Variants in PHKB observed in about 807,000 individuals in gnomAD.
PHKB encodes the protein phosphorylase b kinase regulatory subunit beta.
Under a neutral mutation model 152.1 loss-of-function variants are expected in PHKB, and 122 were observed. That is an observed-to-expected ratio of 0.80 (90% CI 0.69 to 0.93). The LOEUF is 0.93. PHKB is among the 40% of genes least tolerant of loss of function. The probability of loss-of-function intolerance (pLI) is 0.00; values close to 1 mark genes in which losing one functional copy is unlikely to be tolerated. For missense variants in PHKB, 1,304 were observed against 1,328.4 expected (o/e 0.98, Z 0.29); for synonymous variants, 436 against 464.9 (o/e 0.94, Z 0.80).
intron 17 of PHKB, 80 bp downstream of exon 17, chr16:47,648,696 C>A: frequency 2.3e-6 from 2 of 876,308 alleles, no homozygotes; most frequent in Admixed American, 1.7e-5. Flanking sequence ...TGCTATGCAT[C>A]CTTTTTCATT....
At chr16:47,564,518 G>A (rs1971532234) in intron 7 of PHKB, among the ~76,000 whole-genome samples, 1 of 151,664 alleles carries the variant, frequency 6.6e-6, no homozygotes, top group South Asian at 2.1e-4. Context: ...TTTTTAATGG[G>A]ATTTTTTCCT....
chr16:47,495,190 CTTTT>C (rs200655920), intron 1 of PHKB, among the ~76,000 whole-genome samples: 1 of 137,404 alleles, frequency 7.3e-6, no homozygotes, highest in African/African-American at 2.7e-5. Flanking sequence ...AACAGAACTC[CTTTT>C]TTTTTTTTTT....
chr16:47,600,325 C>G (rs978596531), intron 13 of PHKB, among the ~76,000 whole-genome samples: 1 of 152,066 alleles, frequency 6.6e-6, no homozygotes. Flanking sequence ...TTTAGAAAAT[C>G]AATATTTTCT....
Position 47,461,399 on chromosome 16 carries a change from G to A in PHKB, c.49G>A (p.Glu17Lys). Reference sequence around the variant, plus strand: ...GGCAGAAGTGAGCTGGAAGGTCTTGGAGCGAAGAGCTCGGACCAAGCGCTC... The same window carrying A: ...GGCAGAAGTGAGCTGGAAGGTCTTGAAGCGAAGAGCTCGGACCAAGCGCTC... Reference protein sequence around the residue: ...LTAEVSWKVLERRARTKRSGS... With the variant: ...LTAEVSWKVLKRRARTKRSGS... The change falls in exon 1 of 31, where the codon GAG becomes AAG. Residue 17 changes from glutamate to lysine, a missense_variant. Glu to Lys is a moderately conservative substitution (Grantham distance 56). Transcript: ENST00000323584. The A allele has an allele frequency of 6.2e-7, 1 of 1,613,254 alleles. No homozygotes were observed. Among genetic ancestry groups the A allele is most frequent in the Non-Finnish European group, 8.5e-7 (1 of 1,179,830 alleles).
At chr16:47,666,986 A>G (rs942754245) in intron 25 of PHKB, among the ~76,000 whole-genome samples, 9 of 152,180 alleles carry the variant, frequency 5.9e-5, no homozygotes, top group Non-Finnish European at 7.3e-5. Context: ...ACTCTCTTCA[A>G]TGGAATCAAC....
At chr16:47,467,527 C>G (rs951237008) in intron 1 of PHKB, among the ~76,000 whole-genome samples, 1 of 152,142 alleles carries the variant, frequency 6.6e-6, no homozygotes, top group Non-Finnish European at 1.5e-5. Flanking sequence ...GCACTGTGCT[C>G]GCTTCATGTA....
intron 26 of PHKB, among the ~76,000 whole-genome samples, chr16:47,682,878 T>C (rs567911558): frequency 2.0e-5 from 3 of 152,310 alleles, no homozygotes; most frequent in South Asian, 2.1e-4. Context: ...TCCATTTTTT[T>C]CCCCATCTTT....
chr16:47,661,984 A>T (rs1973453306), intron 23 of PHKB, among the ~76,000 whole-genome samples, 184 bp downstream of exon 23: 1 of 152,210 alleles, frequency 6.6e-6, no homozygotes, highest in Non-Finnish European at 1.5e-5. Context: ...CTGATGTATG[A>T]ACCCCTAACT....
chr16:47,551,387 G>T (rs1567302945), intron 7 of PHKB, among the ~76,000 whole-genome samples: 1 of 152,170 alleles, frequency 6.6e-6, no homozygotes, highest in East Asian at 1.9e-4. Context: ...GGCTTTAGCT[G>T]TGTCCCAGAG....
At chr16:47,610,236 C>T (rs1019482743) in intron 13 of PHKB, among the ~76,000 whole-genome samples, 2 of 143,442 alleles carry the variant, frequency 1.4e-5, no homozygotes, top group Admixed American at 1.5e-4. Context: ...GTCTCAAACT[C>T]CTGACCTTGT....
intron 13 of PHKB, among the ~76,000 whole-genome samples, chr16:47,599,763 G>A (rs1972188223): frequency 6.6e-6 from 1 of 152,100 alleles, no homozygotes; most frequent in Non-Finnish European, 1.5e-5. Flanking sequence ...CATATCTCCA[G>A]CTGAAAAAAA....
chr16:47,536,989 A>G (rs1287189506), intron 6 of PHKB, among the ~76,000 whole-genome samples: 1 of 152,246 alleles, frequency 6.6e-6, no homozygotes, highest in African/African-American at 2.4e-5. Context: ...CCCAATTAGA[A>G]CCCAGGTTCC....
In PHKB at chr16:47,698,536, C is replaced by G. The variant is rs771995602; in HGVS notation, c.3092C>G (p.Ala1031Gly). The G allele has an allele frequency of 6.3e-7, 1 of 1,588,224 alleles. No individual in the cohort carries two copies. Among genetic ancestry groups the G allele is most frequent in the African/African-American group, 1.4e-5 (1 of 72,088 alleles). Residue 1031 changes from alanine to glycine, a missense_variant, in exon 30 of 31, where the codon GCA (alanine) becomes GGA (glycine). By Grantham distance (60) the Ala-to-Gly change is moderately conservative (BLOSUM62 0). Coordinates refer to ENST00000323584, the MANE Select transcript of PHKB (RefSeq NM_000293.3). The part of the protein sequence containing the change: ...KVDLDRLVKE[A>G]FNEFQKDQSR... ...GATCTAGACAGACTGGTCAAAGAAG[C>G]ATTTAATGAATTTCAAAAAGATCAG...
chr16:47,684,134 G>A (rs1387408779), intron 26 of PHKB, among the ~76,000 whole-genome samples: 2 of 151,292 alleles, frequency 1.3e-5, no homozygotes, highest in Admixed American at 6.6e-5. Flanking sequence ...AGGAGTTTGA[G>A]ACCAGTTGGG....
intron 16 of PHKB, among the ~76,000 whole-genome samples, chr16:47,643,932 T>G (rs1462860047): frequency 6.6e-6 from 1 of 152,180 alleles, no homozygotes; most frequent in Non-Finnish European, 1.5e-5. Flanking sequence ...CTCTATGTAT[T>G]TCCGGGTAGT....
At chr16:47,699,017 TA>T (rs2142113663) in intron 30 of PHKB, 2 of 584,976 alleles carry the variant, frequency 3.4e-6, no homozygotes, top group East Asian at 6.0e-5. Flanking sequence ...TCTAAGTAAA[TA>T]AAAATTATCA....
At chr16:47,648,505 C>T in intron 16 of PHKB, 28 bp from the exon 17 acceptor site, 2 of 1,455,986 alleles carry the variant, frequency 1.4e-6, no homozygotes, top group Non-Finnish European at 1.9e-6. Flanking sequence ...TCTTACCTGA[C>T]TCTAATTTAC....
chr16:47,519,192 A>G (rs1243413502), intron 6 of PHKB, among the ~76,000 whole-genome samples: 1 of 152,122 alleles, frequency 6.6e-6, no homozygotes, highest in Non-Finnish European at 1.5e-5. Context: ...TTTTTTTTGC[A>G]AAGATGTTTT....
chr16:47,567,251 A>G (rs1045389241), intron 7 of PHKB, among the ~76,000 whole-genome samples: 2 of 150,912 alleles, frequency 1.3e-5, no homozygotes, highest in Non-Finnish European at 3.0e-5. Flanking sequence ...CATTTGTGTC[A>G]TCTTTGATTT....
Sources: allele counts gnomAD v4.1 joint callset (sites outside exome capture counted in the v4.1 genomes callset), GRCh38; gene constraint gnomAD v4.1.1; transcripts MANE v1.5; gene names NCBI Gene and HGNC (gene_info 2026-07-23, HGNC 2026-07-21).